EMC2: variants seen among roughly 807,000 people sequenced by gnomAD.
The protein encoded by EMC2 is ER membrane protein complex subunit 2.
A neutral mutation model predicts 51.6 loss-of-function variants in EMC2; 37 were observed. The observed-to-expected ratio is 0.72, with a 90% CI of 0.55 to 0.94. The LOEUF (loss-of-function observed/expected upper bound fraction) is 0.94, where lower values mean the gene tolerates loss of function less well. EMC2 is among the 40% of genes least tolerant of loss of function. EMC2 has a pLI of 0.00. For missense variants in EMC2, 359 were observed against 350.9 expected (o/e 1.02, Z -0.18); for synonymous variants, 131 against 112.4 (o/e 1.17, Z -1.04).
intron 7 of EMC2, chr8:108,474,786 A>G (rs1351933077): frequency 4.6e-5 from 7 of 151,962 alleles, no homozygotes; most frequent in African/African-American, 1.7e-4. Flanking sequence ...CTGGAGTGGC[A>G]CAGCCTGGGA....
intron 7 of EMC2, among the ~76,000 whole-genome samples, chr8:108,471,755 G>A (rs949941096): frequency 1.3e-5 from 2 of 151,832 alleles, no homozygotes; most frequent in African/African-American, 2.4e-5. Flanking sequence ...ATATAATGCT[G>A]TAGTGATCAT....
intron 7 of EMC2, among the ~76,000 whole-genome samples, chr8:108,472,018 T>C (rs1810866947): frequency 6.6e-6 from 1 of 151,982 alleles, no homozygotes; most frequent in Admixed American, 6.6e-5. Context: ...GCTCTTTTTA[T>C]AAAGGAGAGC....
chr8:108,447,434 A>G (rs1052665629), intron 1 of EMC2, among the ~76,000 whole-genome samples: 2 of 152,150 alleles, frequency 1.3e-5, no homozygotes, highest in African/African-American at 4.8e-5. Flanking sequence ...GACCATGAAT[A>G]ATTTAAAATT....
chr8:108,450,576 A>G (rs955284544), intron 3 of EMC2, 84 bp downstream of exon 3: 1 of 836,166 alleles, frequency 1.2e-6, no homozygotes, highest in Non-Finnish European at 2.1e-6. Flanking sequence ...CTTATATGGA[A>G]TGCTTTCAAT....
intron 5 of EMC2, among the ~76,000 whole-genome samples, chr8:108,462,213 T>TTGTGTGCGTGTGTGTGTTTG (rs756130562): frequency 1.6e-5 from 2 of 122,498 alleles, no homozygotes; most frequent in African/African-American, 2.6e-5. Flanking sequence ...TGTGTGTGTT[T>TTGTGTGCGTGTGTGTGTTTG]TGTGTGCGTG....
At chr8:108,447,922 G>A (rs1818917710) in intron 1 of EMC2, among the ~76,000 whole-genome samples, 1 of 151,964 alleles carries the variant, frequency 6.6e-6, no homozygotes, top group South Asian at 2.1e-4. Context: ...ACAGTTACCA[G>A]ATTTTTTTAA....
rs1359697955 is a variant in EMC2 at position 108,469,890 on chromosome 8, A to C, written c.428A>C (p.Glu143Ala). The C allele has an allele frequency of 6.2e-7, 1 of 1,612,496 alleles. No individual in the cohort carries two copies. The highest frequency in any genetic ancestry group is 1.1e-5 in the South Asian group (1 of 91,032). ...AQGKNVEAIR[E>A]LNEYLEQFVG... ...GGGAAAAATGTGGAGGCCATTCGGGAGCTGAATGAGTATCTGGAACAGTGA... is the reference window on the plus strand; with the variant it reads ...GGGAAAAATGTGGAGGCCATTCGGGCGCTGAATGAGTATCTGGAACAGTGA... Residue 143 changes from glutamate (E) to alanine (A), a missense_variant, in exon 6 of 11, where the codon GAG becomes GCG. Transcript: ENST00000220853.
At chr8:108,453,809 G>T (rs2130345572) in intron 4 of EMC2, among the ~76,000 whole-genome samples, 1 of 152,124 alleles carries the variant, frequency 6.6e-6, no homozygotes, top group Admixed American at 6.5e-5. Context: ...TATTAACAAA[G>T]GAGTATGGAA....
intron 7 of EMC2, among the ~76,000 whole-genome samples, chr8:108,473,470 C>T (rs1032039893): frequency 6.6e-6 from 1 of 152,004 alleles, no homozygotes; most frequent in Admixed American, 6.6e-5. Flanking sequence ...AAATCTGAAA[C>T]ATTTCTGGTC....
chr8:108,457,849 A>G (rs1423338293), intron 5 of EMC2, among the ~76,000 whole-genome samples: 2 of 152,192 alleles, frequency 1.3e-5, no homozygotes, highest in African/African-American at 4.8e-5. Flanking sequence ...ACAGTCTCCG[A>G]AAGTCTTAAC....
rs1374104307 is a variant in EMC2, at chr8:108,488,780, C to G, written c.*2182C>G. On this transcript the variant is annotated 3_prime_UTR_variant, in exon 11 of 11. Transcript: ENST00000220853. ...GATTAGTACGAGGCAGAACTTTTTG[C>G]AGTGAAGGAAATCAACCATCCATTC... 1.3e-5 allele frequency among the ~76,000 whole-genome samples: 2 copies of G among 152,112 alleles called. No homozygotes were observed. The highest frequency in any genetic ancestry group is 2.4e-5 in the African/African-American group (1 of 41,404).
chr8:108,486,487 G>GATT (rs773510732), intron 10 of EMC2, 25 bp from the exon 11 acceptor site: 2 of 1,270,610 alleles, frequency 1.6e-6, no homozygotes, highest in East Asian at 3.0e-5. Context: ...GCCTAATTGA[G>GATT]CTTTTTTTTT....
At chr8:108,478,908 ATTCT>A (rs1015269239) in intron 9 of EMC2, 94 bp from the exon 10 acceptor site, 9 of 436,972 alleles carry the variant, frequency 2.1e-5, no homozygotes, top group African/African-American at 1.0e-4. Flanking sequence ...GTTTTTAAAA[ATTCT>A]TTATTATCCC....
intron 5 of EMC2, among the ~76,000 whole-genome samples, chr8:108,465,006 T>C (rs1451275266): frequency 1.3e-5 from 2 of 152,170 alleles, no homozygotes; most frequent in Non-Finnish European, 2.9e-5. Context: ...GGGGAGGTTA[T>C]AGATTGTATT....
intron 8 of EMC2, among the ~76,000 whole-genome samples, chr8:108,476,393 A>G (rs1197689816): frequency 6.6e-6 from 1 of 151,948 alleles, no homozygotes; most frequent in African/African-American, 2.4e-5. Flanking sequence ...GGACTTCATT[A>G]TTAAAGAATG....
chr8:108,475,588 T>G, intron 7 of EMC2: 1 of 240,674 alleles, frequency 4.2e-6, no homozygotes, highest in Non-Finnish European at 8.0e-6. Flanking sequence ...GCCCTTCTTA[T>G]TAGTAGTGAT....
chr8:108,469,887 G>T lies in EMC2; in HGVS notation c.425G>T (p.Arg142Leu), dbSNP rs557149789. 1.2e-6 allele frequency: 2 copies of T among 1,612,924 alleles called. No homozygotes were observed. The highest frequency in any genetic ancestry group is 2.2e-5 in the South Asian group (2 of 91,012). The change falls in exon 6 of 11, where the codon CGG (arginine) becomes CTG (leucine). Residue 142 changes from arginine (R) to leucine (L), a missense_variant. Transcript: ENST00000220853. ...CAGGGGAAAAATGTGGAGGCCATTC[G>T]GGAGCTGAATGAGTATCTGGAACAG... Reference protein sequence around the residue: ...KAQGKNVEAIRELNEYLEQFV... With the variant: ...KAQGKNVEAILELNEYLEQFV...
intron 5 of EMC2, among the ~76,000 whole-genome samples, chr8:108,460,002 C>T (rs1377601292): frequency 1.3e-5 from 2 of 152,180 alleles, no homozygotes; most frequent in Admixed American, 6.5e-5. Flanking sequence ...TTAGAAAAAG[C>T]ACCCATTTTT....
chr8:108,463,441 C>T (rs923162923), intron 5 of EMC2, among the ~76,000 whole-genome samples: 1 of 151,876 alleles, frequency 6.6e-6, no homozygotes, highest in African/African-American at 2.4e-5. Context: ...TACTTTGAAT[C>T]TTCCTTAAGG....
Sources: gnomAD v4.1 joint callset for allele counts (sites outside exome capture counted in the v4.1 genomes callset) on GRCh38, gnomAD v4.1.1 for gene constraint, MANE v1.5 for transcripts, NCBI Gene and HGNC (gene_info 2026-07-23, HGNC 2026-07-21) for gene names.